Variants in SLC38A11 observed in about 807,000 individuals in gnomAD.
The protein encoded by SLC38A11 is solute carrier family 38 member 11, also known as putative sodium-coupled neutral amino acid transporter 11.
In SLC38A11, 51 loss-of-function variants were observed where a neutral mutation model predicts 49.4. That is an observed-to-expected ratio of 1.03 (90% CI 0.83 to 1.30). The LOEUF (loss-of-function observed/expected upper bound fraction) is 1.30, where lower values mean the gene tolerates loss of function less well. SLC38A11 is among the 50% of genes most tolerant of loss of function. The pLI is 0.00. For synonymous variants in SLC38A11, 203 were observed against 192.9 expected, an observed-to-expected ratio of 1.05 and a Z score of -0.43; for missense variants, 574 against 556.2, an observed-to-expected ratio of 1.03 and a Z score of -0.32.
intron 3 of SLC38A11, among the ~76,000 whole-genome samples, chr2:164,946,225 A>T (rs893730612): frequency 1.4e-5 from 2 of 142,636 alleles, no homozygotes; most frequent in Non-Finnish European, 3.1e-5. Context: ...ACTTTATTTT[A>T]TAGTTATTAT....
At position 164,955,301 on chromosome 2, in the gene SLC38A11, G is replaced by C; in HGVS notation, c.-54C>G. The C allele has an allele frequency of 6.6e-7, 1 of 1,514,388 alleles. No homozygotes were observed. The highest frequency in any genetic ancestry group is 1.2e-5 in the South Asian group (1 of 83,354). The allele number at this position is 1,514,388 out of a possible 1,614,324, so 93.8% of individuals were successfully genotyped here. ...AGATGCTGGGGCTGGGTACGGATTC[G>C]CACCCGGCCAGCCTCCTCCGCCACC... On this transcript the variant is annotated 5_prime_UTR_variant, in exon 1 of 12. Coordinates refer to ENST00000685975, the MANE Select transcript of SLC38A11 (RefSeq NM_001351537.2).
At position 164,895,927 on chromosome 2, in the gene SLC38A11, T is replaced by A. The variant is rs1684370166; in HGVS notation, c.*2510A>T. On this transcript the variant is annotated 3_prime_UTR_variant, in exon 12 of 12. Transcript: ENST00000685975. The stretch of plus-strand genomic sequence containing the variant: ...AAGTGTATTGCTAGATGTTCTCATT[T>A]GTGTGTAAAGATGTGATTCTTGCCT... 1 of 152,208 alleles carries A rather than the reference T, an allele frequency of 6.6e-6. No individual in the cohort carries two copies. The highest frequency in any genetic ancestry group is 1.5e-5 in the Non-Finnish European group (1 of 68,032). 9.4% of individuals were successfully genotyped at this position (152,208 alleles called of 1,614,324 possible). A position where few individuals can be genotyped will look rare whatever the true frequency, so the allele number is the denominator to read the frequency against.
intron 10 of SLC38A11, among the ~76,000 whole-genome samples, chr2:164,909,165 C>A (rs1287836589): frequency 6.6e-6 from 1 of 152,102 alleles, no homozygotes; most frequent in Non-Finnish European, 1.5e-5. Context: ...AAGTAGCTGT[C>A]ACATTTCCCT....
At chr2:164,947,151 A>G (rs1460168053) in intron 3 of SLC38A11, among the ~76,000 whole-genome samples, 2 of 52,276 alleles carry the variant, frequency 3.8e-5, no homozygotes, top group East Asian at 4.3e-4. Context: ...TTTTTTTTTG[A>G]GATAGAGTCT....
At chr2:164,936,915 T>C (rs979445221) in intron 7 of SLC38A11, among the ~76,000 whole-genome samples, 2 of 152,180 alleles carry the variant, frequency 1.3e-5, no homozygotes, top group African/African-American at 4.8e-5. Flanking sequence ...ATGTAGTATT[T>C]TAACACAAAA....
rs1684361617 is a variant in SLC38A11, at chr2:164,895,164, G to T, written c.*3273C>A. On this transcript the variant is annotated 3_prime_UTR_variant, in exon 12 of 12. Coordinates refer to ENST00000685975, the MANE Select transcript of SLC38A11 (RefSeq NM_001351537.2). ...AAGCCACTACCCTAGACAAAGACTG[G>T]GCTCTTTTCTTTCTCTCCTGGTCTA... Among the ~76,000 whole-genome samples, 1 of 152,068 alleles carries T rather than the reference G, an allele frequency of 6.6e-6. No individual in the cohort carries two copies. Among genetic ancestry groups the T allele is most frequent in the Non-Finnish European group, 1.5e-5 (1 of 68,026 alleles).
chr2:164,906,786 G>C (rs1685036721), intron 11 of SLC38A11, among the ~76,000 whole-genome samples: 1 of 152,104 alleles, frequency 6.6e-6, no homozygotes, highest in South Asian at 2.1e-4. Flanking sequence ...CTGAGGTTTT[G>C]GAAACTGCTT....
intron 10 of SLC38A11, among the ~76,000 whole-genome samples, chr2:164,909,813 T>G (rs934103309): frequency 2.6e-5 from 4 of 152,012 alleles, no homozygotes; most frequent in African/African-American, 7.2e-5. Flanking sequence ...AAAGAAGCCA[T>G]CTCTCTAAGC....
chr2:164,904,452 T>A (rs578134543), intron 11 of SLC38A11, among the ~76,000 whole-genome samples: 1 of 152,316 alleles, frequency 6.6e-6, no homozygotes, highest in South Asian at 2.1e-4. Context: ...TTTAATTCAA[T>A]AACTATTACC....
At chr2:164,926,683 A>G (rs1438533492) in intron 7 of SLC38A11, among the ~76,000 whole-genome samples, 1 of 152,130 alleles carries the variant, frequency 6.6e-6, no homozygotes, top group African/African-American at 2.4e-5. Context: ...CTATGCAGCC[A>G]TAAAAAAGGA....
At chr2:164,949,978 G>A (rs1049060603) in intron 3 of SLC38A11, 1 of 152,186 alleles carries the variant, frequency 6.6e-6, no homozygotes, top group African/African-American at 2.4e-5. Context: ...AGTTCAGGCT[G>A]AAGTTTTATA....
At chr2:164,915,314 A>G in intron 8 of SLC38A11, 41 bp from the exon 9 acceptor site, 1 of 1,542,862 alleles carries the variant, frequency 6.5e-7, no homozygotes, top group South Asian at 1.3e-5. Flanking sequence ...ATCAAGCACC[A>G]GGGTTTTCTT....
intron 2 of SLC38A11, among the ~76,000 whole-genome samples, chr2:164,953,506 A>C (rs1034775985): frequency 1.3e-5 from 2 of 152,160 alleles, no homozygotes; most frequent in Non-Finnish European, 2.9e-5. Context: ...TCACATCAGG[A>C]ATTAGCTCTA....
rs919056887 is a variant in SLC38A11 at position 164,901,480 on chromosome 2, C to T, written c.1096-2750G>A. On this transcript the variant is annotated intron_variant, in intron 11 of 11. Coordinates refer to ENST00000685975, the MANE Select transcript of SLC38A11 (RefSeq NM_001351537.2). ...TTTTCAGTATACAAATTTTTCACCT[C>T]TTTGGTTAAATTTATTCCAGAGTAT... 3.3e-5 allele frequency among the ~76,000 whole-genome samples: 5 copies of T among 152,112 alleles called. No individual in the cohort carries two copies. In the South Asian group the frequency reaches 1.0e-3, roughly 32 times the overall value.
At chr2:164,930,969 C>T (rs2105486278) in intron 7 of SLC38A11, among the ~76,000 whole-genome samples, 1 of 152,004 alleles carries the variant, frequency 6.6e-6, no homozygotes, top group South Asian at 2.1e-4. Flanking sequence ...TCAAACTATC[C>T]CTATTTGCAA....
rs374336772 is a variant in SLC38A11 at position 164,915,857 on chromosome 2, C to G, written c.688+46G>C. ...TGAAACACAGCACTTTTTCATGGAA[C>G]AGAGAACTCCACATTGAGAAAGGGC... is the stretch of plus-strand genomic sequence containing the variant. On this transcript the variant is annotated intron_variant, in intron 8 of 11. Transcript: ENST00000685975. 5 of 1,445,512 alleles carry G rather than the reference C, an allele frequency of 3.5e-6. No individual in the cohort carries two copies. The South Asian group carries it at 6.3e-5, about 18-fold the overall frequency. The allele number at this position is 1,445,512 out of a possible 1,614,324, so 89.5% of individuals were successfully genotyped here.
intron 7 of SLC38A11, among the ~76,000 whole-genome samples, chr2:164,930,199 C>A (rs568824400): frequency 1.3e-5 from 2 of 152,038 alleles, no homozygotes; most frequent in South Asian, 4.2e-4. Context: ...AAGACTGAAC[C>A]AAGAAGAAAC....
At position 164,917,960 on chromosome 2, in the gene SLC38A11, A is replaced by T. The variant is rs543804081; in HGVS notation, c.618-1987T>A. Among the ~76,000 whole-genome samples the T allele has an allele frequency of 2.0e-5, 3 of 152,284 alleles. No individual in the cohort carries two copies. The South Asian group carries it at 6.2e-4, about 32-fold the overall frequency. On this transcript the variant is annotated intron_variant, in intron 7 of 11. Transcript: ENST00000685975. ...GATGGAAAGTGCCAAAAAAGATGTTACAGATAGGAAAATGCATATGTCTAA... is the reference window on the plus strand; with the variant it reads ...GATGGAAAGTGCCAAAAAAGATGTTTCAGATAGGAAAATGCATATGTCTAA...
chr2:164,948,299 A>C (rs779340080), intron 3 of SLC38A11, among the ~76,000 whole-genome samples: 1 of 152,222 alleles, frequency 6.6e-6, no homozygotes, highest in African/African-American at 2.4e-5. Flanking sequence ...GAGTCAGATA[A>C]TAATGATAAC....
Sources: allele counts gnomAD v4.1 joint callset (sites outside exome capture counted in the v4.1 genomes callset), GRCh38; gene constraint gnomAD v4.1.1; transcripts MANE v1.5; gene names NCBI Gene and HGNC (gene_info 2026-07-23, HGNC 2026-07-21).